Variants in MACROD2 observed in about 807,000 individuals in gnomAD.
MACROD2 encodes ADP-ribose glycohydrolase MACROD2.
MACROD2 carries 36 observed loss-of-function variants against 70.4 expected under a neutral mutation model. The observed-to-expected ratio is 0.51, with a 90% CI of 0.39 to 0.68. The LOEUF (loss-of-function observed/expected upper bound fraction) is 0.68, where lower values mean the gene tolerates loss of function less well. Among genes scored for constraint, MACROD2 ranks in the 30% least tolerant of loss-of-function variants. MACROD2 has a pLI of 0.00. For missense variants in MACROD2, 496 were observed against 538.4 expected (o/e 0.92, Z 0.78); for synonymous variants, 172 against 178.8 (o/e 0.96, Z 0.30).
intron 5 of MACROD2, among the ~76,000 whole-genome samples, chr20:14,886,396 G>A (rs1220668210): frequency 6.6e-6 from 1 of 152,174 alleles, no homozygotes; most frequent in Non-Finnish European, 1.5e-5. Flanking sequence ...AGAAAGTCCT[G>A]TTGGTTGCTG....
chr20:14,238,992 ACTCCAGC>A (rs1223741402), intron 3 of MACROD2, among the ~76,000 whole-genome samples: 6 of 135,040 alleles, frequency 4.4e-5, no homozygotes, highest in African/African-American at 1.4e-4. Context: ...GCGCCACTGC[ACTCCAGC>A]CTGGGCGACA....
intron 2 of MACROD2, among the ~76,000 whole-genome samples, chr20:14,038,915 A>AT (rs1024604502): frequency 1.3e-5 from 2 of 152,020 alleles, no homozygotes; most frequent in African/African-American, 4.8e-5. Context: ...GCTTCCTTAG[A>AT]TTTTTTAACC....
chr20:15,762,790 A>C (rs2051457092), intron 8 of MACROD2, among the ~76,000 whole-genome samples: 1 of 152,210 alleles, frequency 6.6e-6, no homozygotes, highest in African/African-American at 2.4e-5. Context: ...ATTCATGAGC[A>C]CTACTAAACG....
intron 5 of MACROD2, among the ~76,000 whole-genome samples, chr20:15,151,590 C>G (rs1743478): frequency 1 from 152,150 of 152,150 alleles, 76,075 homozygotes; most frequent in Non-Finnish European, 1. Flanking sequence ...ACGGCCTTTT[C>G]ACCTTTTAGG....
intron 5 of MACROD2, among the ~76,000 whole-genome samples, chr20:15,180,562 C>A (rs759309396): frequency 2.8e-4 from 42 of 152,246 alleles, no homozygotes; most frequent in Non-Finnish European, 5.0e-4. Flanking sequence ...CATGCACGAT[C>A]ATGTCACTGG....
intron 5 of MACROD2, among the ~76,000 whole-genome samples, chr20:14,811,567 A>G (rs1395658070): frequency 1.3e-5 from 2 of 152,178 alleles, no homozygotes; most frequent in African/African-American, 4.8e-5. Flanking sequence ...AACAAAAGCC[A>G]AAATTGACAA....
chr20:15,285,275 G>A (rs1197138522), intron 6 of MACROD2, among the ~76,000 whole-genome samples: 2 of 152,176 alleles, frequency 1.3e-5, no homozygotes, highest in Admixed American at 6.5e-5. Flanking sequence ...TAATAGAAAT[G>A]TAAGTGAAGT....
intron 3 of MACROD2, among the ~76,000 whole-genome samples, chr20:14,131,578 G>T (rs2054718735): frequency 6.6e-6 from 1 of 152,202 alleles, no homozygotes; most frequent in Non-Finnish European, 1.5e-5. Context: ...TTGAAATCCG[G>T]TTAGTTTTTG....
At position 14,251,024 on chromosome 20, in the gene MACROD2, A is replaced by G. The variant is rs114943619; in HGVS notation, c.271+165296A>G. 7.5e-3 allele frequency among the ~76,000 whole-genome samples: 1,145 copies of G among 152,244 alleles called. 13 individuals are homozygous for G. Among genetic ancestry groups the G allele is most frequent in the African/African-American group, 0.026 (1,088 of 41,552 alleles). On this transcript the variant is annotated intron_variant, in intron 3 of 17. Coordinates refer to ENST00000684519, the MANE Select transcript of MACROD2 (RefSeq NM_001351661.2). ...GAAAATAATATTTTATAATAGTTTG[A>G]TGACATTTTAAACAGATTTTGAAAT...
At chr20:15,680,138 A>G (rs766447345) in intron 8 of MACROD2, among the ~76,000 whole-genome samples, 3 of 152,166 alleles carry the variant, frequency 2.0e-5, no homozygotes, top group Admixed American at 2.0e-4. Flanking sequence ...TCCTGGTCTC[A>G]TAAAAAAAGT....
intron 8 of MACROD2, among the ~76,000 whole-genome samples, chr20:15,678,363 CTTT>C (rs534273474): frequency 7.0e-6 from 1 of 143,680 alleles, no homozygotes; most frequent in African/African-American, 2.5e-5. Context: ...AAGGCCCCAT[CTTT>C]TTTTTTTTTT....
intron 5 of MACROD2, among the ~76,000 whole-genome samples, chr20:15,217,261 G>C (rs2076818628): frequency 6.6e-6 from 1 of 152,118 alleles, no homozygotes; most frequent in East Asian, 1.9e-4. Flanking sequence ...CGTGGTAAAT[G>C]CAACTACGTA....
chr20:14,052,829 AATG>A (rs2053585638), intron 2 of MACROD2, among the ~76,000 whole-genome samples: 1 of 152,084 alleles, frequency 6.6e-6, no homozygotes, highest in Admixed American at 6.6e-5. Context: ...GTCCTTTTTA[AATG>A]ATAATATAAA....
chr20:14,538,639 C>A (rs556154683), intron 4 of MACROD2, among the ~76,000 whole-genome samples: 1 of 152,086 alleles, frequency 6.6e-6, no homozygotes, highest in Non-Finnish European at 1.5e-5. Flanking sequence ...CTATTCCAGG[C>A]GCATAAGGAA....
chr20:14,174,256 G>A (rs1182414639), intron 3 of MACROD2, among the ~76,000 whole-genome samples: 1 of 152,054 alleles, frequency 6.6e-6, no homozygotes, highest in Non-Finnish European at 1.5e-5. Flanking sequence ...TTTGTCTTTG[G>A]CTACCAGGGC....
At chr20:15,176,288 A>G (rs755788156) in intron 5 of MACROD2, among the ~76,000 whole-genome samples, 6 of 152,154 alleles carry the variant, frequency 3.9e-5, no homozygotes, top group Non-Finnish European at 7.4e-5. Flanking sequence ...AGGCTCCTGG[A>G]CAAAAAGGGG....
At chr20:14,853,179 G>GTC (rs1239130916) in intron 5 of MACROD2, among the ~76,000 whole-genome samples, 2 of 151,344 alleles carry the variant, frequency 1.3e-5, no homozygotes, top group African/African-American at 4.9e-5. Context: ...GTGTCTGTGT[G>GTC]TGTGTGTGTG....
intron 3 of MACROD2, among the ~76,000 whole-genome samples, chr20:14,234,574 A>G (rs2081851700): frequency 6.6e-6 from 1 of 152,194 alleles, no homozygotes; most frequent in African/African-American, 2.4e-5. Flanking sequence ...AGTTCTCAGC[A>G]TGCTTTTTCT....
At chr20:15,277,121 G>T (rs2077400470) in intron 6 of MACROD2, among the ~76,000 whole-genome samples, 1 of 152,180 alleles carries the variant, frequency 6.6e-6, no homozygotes, top group Non-Finnish European at 1.5e-5. Context: ...TTTTCAACCA[G>T]TTAGATTTGC....
Sources: gnomAD v4.1 joint callset for allele counts (sites outside exome capture counted in the v4.1 genomes callset) on GRCh38, gnomAD v4.1.1 for gene constraint, MANE v1.5 for transcripts, NCBI Gene and HGNC (gene_info 2026-07-23, HGNC 2026-07-21) for gene names.